The following IMMP1L variants were observed in gnomAD, a reference collection of about 807,000 sequenced individuals.
IMMP1L encodes the protein inner mitochondrial membrane peptidase subunit 1.
Under a neutral mutation model 21.8 loss-of-function variants are expected in IMMP1L, and 24 were observed. The ratio of observed to expected loss-of-function variants is 1.10; its 90% CI spans 0.80 to 1.55. The LOEUF is 1.55. IMMP1L is among the 40% of genes most tolerant of loss of function. IMMP1L has a pLI of 0.00. For synonymous variants in IMMP1L, 46 were observed against 62.8 expected, an observed-to-expected ratio of 0.73 and a Z score of 1.26; for missense variants, 195 against 200.7, an observed-to-expected ratio of 0.97 and a Z score of 0.17.
intron 4 of IMMP1L, among the ~76,000 whole-genome samples, chr11:31,439,653 T>C (rs1953252211): frequency 1.3e-5 from 2 of 152,232 alleles, no homozygotes; most frequent in Non-Finnish European, 2.9e-5. Flanking sequence ...TGTCTGTTTT[T>C]ATAGAGTGTT....
intron 1 of IMMP1L, among the ~76,000 whole-genome samples, chr11:31,500,045 C>T (rs1353478620): frequency 2.0e-5 from 3 of 152,022 alleles, no homozygotes; most frequent in Non-Finnish European, 4.4e-5. Context: ...AGGTTAGGGG[C>T]CTCCTCATCT....
At chr11:31,506,267 G>A (rs1278998697) in intron 1 of IMMP1L, among the ~76,000 whole-genome samples, 6 of 114 alleles carry the variant, frequency 0.053, no homozygotes, top group Admixed American at 0.12. Flanking sequence ...TCGCTGTGTC[G>A]CCCAGGCCTG....
In IMMP1L at chr11:31,433,337, T is replaced by A. The variant is rs1952987707; in HGVS notation, c.432+123A>T. 7.2e-6 allele frequency: 4 copies of A among 555,100 alleles called. 1 individual carries two copies. Among genetic ancestry groups the A allele is most frequent in the Middle Eastern group, 4.8e-4 (1 of 2,062 alleles). The allele number at this position is 555,100 out of a possible 1,614,324, so 34.4% of individuals were successfully genotyped here. ...GGCTATTAAGTTAAGGCCAACAGGT[T>A]CAAAAAATATATTCGGTGCAACAGT... On this transcript the variant is annotated intron_variant, in intron 5 of 5. Coordinates refer to ENST00000532287, the MANE Select transcript of IMMP1L (RefSeq NM_001304274.2).
chr11:31,478,923 T>C (rs1005946684), intron 1 of IMMP1L, among the ~76,000 whole-genome samples: 1 of 152,068 alleles, frequency 6.6e-6, no homozygotes, highest in African/African-American at 2.4e-5. Flanking sequence ...AAGAAATCTC[T>C]CCTCACATTT....
chr11:31,441,117 A>G (rs1221720058), intron 4 of IMMP1L, among the ~76,000 whole-genome samples: 2 of 152,194 alleles, frequency 1.3e-5, no homozygotes, highest in Non-Finnish European at 2.9e-5. Context: ...TTCAAAATAT[A>G]CATTTTTATG....
At chr11:31,469,704 A>AG in intron 1 of IMMP1L, 1 of 152,374 alleles carries the variant, frequency 6.6e-6, no homozygotes, top group South Asian at 2.1e-4. Context: ...AATTGATGAA[A>AG]GACCTTAACT....
intron 1 of IMMP1L, among the ~76,000 whole-genome samples, chr11:31,486,885 G>C (rs1361273510): frequency 6.6e-6 from 1 of 151,886 alleles, no homozygotes; most frequent in African/African-American, 2.4e-5. Flanking sequence ...TACACGTAAA[G>C]TGACAAAGTT....
intron 1 of IMMP1L, among the ~76,000 whole-genome samples, chr11:31,481,817 T>C (rs1027971793): frequency 2.0e-5 from 3 of 151,906 alleles, no homozygotes; most frequent in Non-Finnish European, 4.4e-5. Context: ...ACCTAATTTT[T>C]CCCTCAATTT....
chr11:31,432,479 A>T lies in IMMP1L; in HGVS notation c.*21T>A, dbSNP rs781560505. ...TCACATGAAAAGGAGACAATAATCAAGTCAAAAGAATAAATGCTTACTAAT... is the reference window on the plus strand; with the variant it reads ...TCACATGAAAAGGAGACAATAATCATGTCAAAAGAATAAATGCTTACTAAT... On this transcript the variant is annotated 3_prime_UTR_variant, in exon 6 of 6. Coordinates refer to ENST00000532287, the MANE Select transcript of IMMP1L (RefSeq NM_001304274.2). 1.0e-5 allele frequency: 16 copies of T among 1,563,518 alleles called. No individual in the cohort carries two copies. The highest frequency in any genetic ancestry group is 1.4e-5 in the Non-Finnish European group (16 of 1,135,442).
intron 1 of IMMP1L, among the ~76,000 whole-genome samples, chr11:31,503,268 G>A (rs796469411): frequency 1.8e-4 from 28 of 152,282 alleles, no homozygotes; most frequent in African/African-American, 6.5e-4. Context: ...AGCAGCTAGT[G>A]CACGCTCTTA....
At chr11:31,449,413 T>C (rs1403131920) in intron 4 of IMMP1L, among the ~76,000 whole-genome samples, 2 of 152,224 alleles carry the variant, frequency 1.3e-5, no homozygotes, top group Non-Finnish European at 2.9e-5. Context: ...GTGTTAACTA[T>C]ATAAAGTGAC....
intron 1 of IMMP1L, among the ~76,000 whole-genome samples, chr11:31,472,693 G>A (rs911836849): frequency 2.0e-5 from 3 of 151,864 alleles, no homozygotes; most frequent in Non-Finnish European, 4.4e-5. Context: ...GAAAAGCTAG[G>A]GAAAAAGTGA....
intron 1 of IMMP1L, among the ~76,000 whole-genome samples, chr11:31,467,722 A>G (rs1428146177): frequency 2.6e-5 from 4 of 152,124 alleles, no homozygotes; most frequent in Non-Finnish European, 5.9e-5. Context: ...GCATGCTAAA[A>G]TATACTGGGT....
rs929373849 is a variant in IMMP1L at position 31,497,465 on chromosome 11, T to C, written c.-30+12054A>G. The stretch of plus-strand genomic sequence containing the variant: ...TTGGGTACAATATTTCTTTTCTTTT[T>C]TTTTTTTTTTTTTTGAGATGGGAGT... On this transcript the variant is annotated intron_variant, in intron 1 of 5. Transcript: ENST00000532287. Among the ~76,000 whole-genome samples, 59 of 133,160 alleles carry C rather than the reference T, an allele frequency of 4.4e-4. 1 individual carries two copies. The highest frequency in any genetic ancestry group is 1.7e-3 in the African/African-American group (50 of 28,906). The allele number at this position is 133,160 out of a possible 152,430, so 87.4% of individuals were successfully genotyped here. A position where few individuals can be genotyped will look rare whatever the true frequency, so the allele number is the denominator to read the frequency against.
chr11:31,477,740 A>G (rs1373584931), intron 1 of IMMP1L: 1 of 156,486 alleles, frequency 6.4e-6, no homozygotes, highest in South Asian at 2.0e-4. Context: ...TCCTTTCCAA[A>G]TGACTGGAAG....
chr11:31,509,152 C>A (rs1312276938), intron 1 of IMMP1L, among the ~76,000 whole-genome samples: 1 of 152,188 alleles, frequency 6.6e-6, no homozygotes, highest in African/African-American at 2.4e-5. Context: ...TTGTCAGACA[C>A]AGGAAAACCA....
At chr11:31,496,273 A>G (rs1434067902) in intron 1 of IMMP1L, among the ~76,000 whole-genome samples, 1 of 152,226 alleles carries the variant, frequency 6.6e-6, no homozygotes, top group South Asian at 2.1e-4. Flanking sequence ...CCACAATAAG[A>G]TATCACATCA....
intron 1 of IMMP1L, among the ~76,000 whole-genome samples, chr11:31,498,304 G>T (rs1955516722): frequency 1.3e-5 from 2 of 152,192 alleles, no homozygotes; most frequent in South Asian, 4.1e-4. Context: ...AAGGTTTTAA[G>T]AAGGAAATAT....
At chr11:31,497,681 C>T (rs943868411) in intron 1 of IMMP1L, among the ~76,000 whole-genome samples, 1 of 152,036 alleles carries the variant, frequency 6.6e-6, no homozygotes. Flanking sequence ...AGTATGGTCT[C>T]GATCTCTTGA....
Sources: allele counts gnomAD v4.1 joint callset (sites outside exome capture counted in the v4.1 genomes callset), GRCh38; gene constraint gnomAD v4.1.1; transcripts MANE v1.5; gene names NCBI Gene and HGNC (gene_info 2026-07-23, HGNC 2026-07-21).